The following PCSK2 variants were observed in gnomAD, a reference collection of about 807,000 sequenced individuals.
PCSK2 encodes the protein neuroendocrine convertase 2.
In PCSK2, 14 loss-of-function variants were observed where a neutral mutation model predicts 69.7. That is an observed-to-expected ratio of 0.20 (90% CI 0.13 to 0.31). The LOEUF (loss-of-function observed/expected upper bound fraction) is 0.31, where lower values mean the gene tolerates loss of function less well. Ranked by LOEUF, PCSK2 falls within the 10% of genes least tolerant of loss-of-function variation. The pLI, the probability that PCSK2 is intolerant of heterozygous loss-of-function variation, is 1.00. For missense variants in PCSK2, 544 were observed against 842.5 expected, an observed-to-expected ratio of 0.65 and a Z score of 4.39; for synonymous variants, 307 against 320.7, an observed-to-expected ratio of 0.96 and a Z score of 0.46.
At chr20:17,359,376 C>T (rs1368101819) in intron 3 of PCSK2, among the ~76,000 whole-genome samples, 1 of 152,102 alleles carries the variant, frequency 6.6e-6, no homozygotes, top group Non-Finnish European at 1.5e-5. Flanking sequence ...GAACAACCCT[C>T]GGATCACAGT....
intron 11 of PCSK2, among the ~76,000 whole-genome samples, chr20:17,478,143 T>A (rs2033324201): frequency 6.6e-6 from 1 of 152,218 alleles, no homozygotes. Flanking sequence ...TATCATTCTG[T>A]CAGAAAGCAG....
intron 11 of PCSK2, among the ~76,000 whole-genome samples, chr20:17,477,296 C>T (rs370347595): frequency 2.6e-5 from 4 of 152,164 alleles, no homozygotes; most frequent in African/African-American, 7.2e-5. Flanking sequence ...GTACATGTGC[C>T]AAGCATTGTG....
chr20:17,440,444 A>G (rs1350177582), intron 8 of PCSK2, among the ~76,000 whole-genome samples: 1 of 152,192 alleles, frequency 6.6e-6, no homozygotes, highest in Non-Finnish European at 1.5e-5. Flanking sequence ...ACAGCCCTGT[A>G]TTTCCTCATC....
chr20:17,267,746 G>A (rs950094822), intron 2 of PCSK2, among the ~76,000 whole-genome samples: 1 of 152,072 alleles, frequency 6.6e-6, no homozygotes, highest in Non-Finnish European at 1.5e-5. Flanking sequence ...TCTCTGGGAG[G>A]CATCATGCTA....
chr20:17,424,143 T>A (rs1469089454), intron 6 of PCSK2, among the ~76,000 whole-genome samples: 1 of 152,190 alleles, frequency 6.6e-6, no homozygotes, highest in Non-Finnish European at 1.5e-5. Flanking sequence ...GCAAACAAAT[T>A]AAATACCTAT....
chr20:17,237,266 G>A (rs1031183893), intron 1 of PCSK2, among the ~76,000 whole-genome samples: 3 of 152,180 alleles, frequency 2.0e-5, no homozygotes, highest in African/African-American at 4.8e-5. Flanking sequence ...GAAGTTCATG[G>A]AAGTGAATTA....
chr20:17,387,391 G>C (rs34652390), intron 5 of PCSK2, among the ~76,000 whole-genome samples: 1 of 152,082 alleles, frequency 6.6e-6, no homozygotes, highest in Non-Finnish European at 1.5e-5. Flanking sequence ...GGGTGGCTCC[G>C]TGTTTCTCGT....
At chr20:17,275,784 C>G (rs972200426) in intron 2 of PCSK2, among the ~76,000 whole-genome samples, 3 of 152,030 alleles carry the variant, frequency 2.0e-5, no homozygotes, top group African/African-American at 7.2e-5. Context: ...AACTCTTGTC[C>G]CTCTCTAAAT....
chr20:17,275,121 G>A (rs1306987480), intron 2 of PCSK2, among the ~76,000 whole-genome samples: 1 of 144,592 alleles, frequency 6.9e-6, no homozygotes, highest in African/African-American at 2.5e-5. Flanking sequence ...ATAATGTTGG[G>A]CGACTAATGA....
intron 6 of PCSK2, among the ~76,000 whole-genome samples, chr20:17,410,346 A>G (rs1390005134): frequency 6.6e-6 from 1 of 152,212 alleles, no homozygotes; most frequent in Non-Finnish European, 1.5e-5. Flanking sequence ...TATTTGATAC[A>G]GGCAGCATGA....
At chr20:17,290,681 G>T (rs868294518) in intron 2 of PCSK2, among the ~76,000 whole-genome samples, 1 of 152,106 alleles carries the variant, frequency 6.6e-6, no homozygotes, top group South Asian at 2.1e-4. Flanking sequence ...TATTTATGTG[G>T]GATTTTTGAA....
chr20:17,474,488 A>G lies in PCSK2; in HGVS notation c.1431-7096A>G, dbSNP rs2033258211. Among the ~76,000 whole-genome samples, 4 of 152,270 alleles carry G rather than the reference A, an allele frequency of 2.6e-5. No homozygotes were observed. The South Asian group carries it at 8.3e-4, about 32-fold the overall frequency. On this transcript the variant is annotated intron_variant, in intron 11 of 11. Coordinates refer to ENST00000262545, the MANE Select transcript of PCSK2 (RefSeq NM_002594.5). ...CCTCCATCTCTCCCTTGCACCCTCT[A>G]TCACAAATGCACACCACTCACTCTC...
chr20:17,469,183 A>C (rs1444893902), intron 11 of PCSK2, among the ~76,000 whole-genome samples: 1 of 152,206 alleles, frequency 6.6e-6, no homozygotes, highest in African/African-American at 2.4e-5. Context: ...GGCAGGACAG[A>C]CTTCTCTGAG....
At chr20:17,435,877 C>G (rs1287765771) in intron 7 of PCSK2, among the ~76,000 whole-genome samples, 1 of 152,186 alleles carries the variant, frequency 6.6e-6, no homozygotes. Flanking sequence ...CCTGGAGAGG[C>G]CTTTGTGGAT....
intron 8 of PCSK2, among the ~76,000 whole-genome samples, chr20:17,449,548 G>GTATGTATGTATATATATATAT (rs1371948893): frequency 2.3e-5 from 3 of 131,588 alleles, no homozygotes; most frequent in African/African-American, 3.3e-5. Context: ...ATGTATATTT[G>GTATGTATGTATATATATATAT]AGACTGAGTT....
intron 5 of PCSK2, among the ~76,000 whole-genome samples, chr20:17,403,682 T>TC (rs2031693361): frequency 6.6e-6 from 1 of 152,242 alleles, no homozygotes; most frequent in Non-Finnish European, 1.5e-5. Context: ...CAAGACAGAA[T>TC]AAAAGGACAA....
At chr20:17,438,689 G>A (rs2032535054) in intron 8 of PCSK2, among the ~76,000 whole-genome samples, 1 of 152,078 alleles carries the variant, frequency 6.6e-6, no homozygotes, top group African/African-American at 2.4e-5. Flanking sequence ...GCTCACAGTG[G>A]GCCCTCTCAC....
intron 2 of PCSK2, among the ~76,000 whole-genome samples, chr20:17,350,769 G>C (rs779239183): frequency 6.6e-6 from 1 of 152,102 alleles, no homozygotes; most frequent in Non-Finnish European, 1.5e-5. Flanking sequence ...AAGGCCAGGC[G>C]TGGTGGCTTA....
chr20:17,316,302 A>T (rs747194397), intron 2 of PCSK2, among the ~76,000 whole-genome samples: 3 of 152,250 alleles, frequency 2.0e-5, no homozygotes, highest in Admixed American at 2.0e-4. Context: ...AGTGAAAAAC[A>T]CCAAGGGTGC....
Sources: gnomAD v4.1 joint callset for allele counts (sites outside exome capture counted in the v4.1 genomes callset) on GRCh38, gnomAD v4.1.1 for gene constraint, MANE v1.5 for transcripts, NCBI Gene and HGNC (gene_info 2026-07-23, HGNC 2026-07-21) for gene names.